Variants in ZNF708 observed in about 807,000 individuals in gnomAD.
ZNF708 encodes the protein ZNF15, ZNF15L1.
ZNF708 carries 44 observed loss-of-function variants against 47.0 expected under a neutral mutation model. That is an observed-to-expected ratio of 0.94 (90% CI 0.74 to 1.20). The LOEUF (loss-of-function observed/expected upper bound fraction) is 1.20, where lower values mean the gene tolerates loss of function less well. Among genes scored for constraint, ZNF708 ranks in the 50% most tolerant of loss-of-function variants. The probability of loss-of-function intolerance (pLI) is 0.00; values close to 1 mark genes in which losing one functional copy is unlikely to be tolerated. For synonymous variants in ZNF708, 184 were observed against 218.5 expected (o/e 0.84, Z 1.39); for missense variants, 557 against 656.0 (o/e 0.85, Z 1.65).
chr19:21,323,401 A>G (rs1973192678), intron 1 of ZNF708, among the ~76,000 whole-genome samples: 1 of 152,178 alleles, frequency 6.6e-6, no homozygotes, highest in Non-Finnish European at 1.5e-5. Flanking sequence ...ATGTAACTCC[A>G]AAGAACAGGC....
At chr19:21,295,017 T>C (rs182996765) in intron 3 of ZNF708, among the ~76,000 whole-genome samples, 70 of 152,328 alleles carry the variant, frequency 4.6e-4, no homozygotes, top group African/African-American at 1.6e-3. Context: ...CCAACACACC[T>C]CTTTCTGCTG....
chr19:21,317,878 A>G (rs1973047330), intron 1 of ZNF708, among the ~76,000 whole-genome samples: 1 of 152,236 alleles, frequency 6.6e-6, no homozygotes, highest in Admixed American at 6.5e-5. Context: ...ACTTGACACC[A>G]GGTGCCTGCT....
At chr19:21,327,464 G>A (rs1201943594) in intron 1 of ZNF708, among the ~76,000 whole-genome samples, 1 of 151,488 alleles carries the variant, frequency 6.6e-6, no homozygotes, top group Non-Finnish European at 1.5e-5. Flanking sequence ...CCTGGGAGGC[G>A]GAGGTTGCGG....
chr19:21,322,491 C>T (rs1020886266), intron 1 of ZNF708, among the ~76,000 whole-genome samples: 11 of 152,044 alleles, frequency 7.2e-5, no homozygotes, highest in South Asian at 4.1e-4. Context: ...GTAGTAGGGA[C>T]GGGGTTTTGC....
intron 3 of ZNF708, 54 bp downstream of exon 3, chr19:21,309,192 C>T (rs1599679017): frequency 1.4e-6 from 2 of 1,468,408 alleles, no homozygotes; most frequent in Non-Finnish European, 1.8e-6. Flanking sequence ...CTGGTTTTCT[C>T]TTTTACCTTT....
At chr19:21,302,295 C>CT (rs1435838082) in intron 3 of ZNF708, among the ~76,000 whole-genome samples, 1 of 151,992 alleles carries the variant, frequency 6.6e-6, no homozygotes, top group African/African-American at 2.4e-5. Flanking sequence ...AAATATAAAT[C>CT]TGTTAGTAGA....
chr19:21,301,099 C>A (rs1972650890), intron 3 of ZNF708, among the ~76,000 whole-genome samples: 2 of 152,062 alleles, frequency 1.3e-5, no homozygotes, highest in African/African-American at 4.8e-5. Flanking sequence ...TTATTGGACA[C>A]TATCAAGTAG....
At chr19:21,313,169 T>C (rs1351284785) in intron 1 of ZNF708, among the ~76,000 whole-genome samples, 2 of 149,412 alleles carry the variant, frequency 1.3e-5, no homozygotes, top group African/African-American at 4.9e-5. Flanking sequence ...GTGCCTGTAA[T>C]CCCAGCTACT....
Position 21,320,012 on chromosome 19 carries a change from C to T in ZNF708, c.3+9198G>A, listed in dbSNP as rs569443067. Among the ~76,000 whole-genome samples the T allele has an allele frequency of 2.2e-4, 34 of 152,178 alleles. No homozygotes were observed. The East Asian group carries it at 6.6e-3, about 30-fold the overall frequency. ...CCAACATGGTGAAACCCCATCTCTA[C>T]TAAAAATACAAAAATTAGCCAGGTG... On this transcript the variant is annotated intron_variant, in intron 1 of 3. Coordinates refer to ENST00000356929, the MANE Select transcript of ZNF708 (RefSeq NM_021269.3).
At chr19:21,295,541 T>C (rs1972511185) in intron 3 of ZNF708, among the ~76,000 whole-genome samples, 1 of 151,136 alleles carries the variant, frequency 6.6e-6, no homozygotes, top group Admixed American at 6.6e-5. Context: ...AGGTTGGGAG[T>C]TCAAGACCAG....
intron 1 of ZNF708, among the ~76,000 whole-genome samples, chr19:21,321,344 T>G (rs1204361801): frequency 6.6e-6 from 1 of 151,946 alleles, no homozygotes; most frequent in Admixed American, 6.6e-5. Context: ...TGCCACCACA[T>G]TGGGAGACCA....
chr19:21,315,800 A>G (rs1289534001), intron 1 of ZNF708, among the ~76,000 whole-genome samples: 1 of 152,190 alleles, frequency 6.6e-6, no homozygotes, highest in Non-Finnish European at 1.5e-5. Context: ...AGTTCAATTT[A>G]TAGCTACTTG....
Position 21,294,090 on chromosome 19 carries a change from G to A in ZNF708, c.876C>T (p.Ser292=), listed in dbSNP as rs772887083. 3.7e-6 allele frequency: 6 copies of A among 1,611,668 alleles called. No individual in the cohort carries two copies. The highest frequency in any genetic ancestry group is 1.7e-5 in the Admixed American group (1 of 59,808). The part of the protein sequence containing the change: ...CEECGKAFKQ[S]SNLTNHKKIH... ...TTTTCTTGTGATTAGTAAGGTTTGA[G>A]GACTGTTTAAAAGCTTTGCCACATT... Residue 292 remains serine (S), a synonymous_variant, in exon 4 of 4, where the codon TCC becomes TCT. Coordinates refer to ENST00000356929, the MANE Select transcript of ZNF708 (RefSeq NM_021269.3).
At chr19:21,307,070 T>TAAAATAC (rs1568349233) in intron 3 of ZNF708, 5 of 108,352 alleles carry the variant, frequency 4.6e-5, no homozygotes, top group African/African-American at 1.8e-4. Flanking sequence ...AAATAAAATA[T>TAAAATAC]AAAATAAAAT....
At chr19:21,328,271 C>G (rs1334254877) in intron 1 of ZNF708, 3 of 151,262 alleles carry the variant, frequency 2.0e-5, no homozygotes. Flanking sequence ...TATTTTCAAC[C>G]AGAAAACAAT....
chr19:21,297,994 T>C (rs891579312), intron 3 of ZNF708, among the ~76,000 whole-genome samples: 2 of 150,220 alleles, frequency 1.3e-5, no homozygotes, highest in Non-Finnish European at 3.0e-5. Context: ...TGTGTGTGTA[T>C]GTGTACAGAC....
intron 3 of ZNF708, chr19:21,307,087 TA>T (rs1972791339): frequency 2.9e-5 from 3 of 103,932 alleles, no homozygotes; most frequent in South Asian, 5.4e-4. Context: ...AAATAAAATA[TA>T]AAATACAAAA....
intron 3 of ZNF708, among the ~76,000 whole-genome samples, chr19:21,302,612 T>C (rs1972682716): frequency 6.6e-6 from 1 of 151,992 alleles, no homozygotes; most frequent in Non-Finnish European, 1.5e-5. Flanking sequence ...GGCAGGAGAA[T>C]TGCTTGAACC....
Position 21,293,286 on chromosome 19 carries a change from G to C in ZNF708, c.1680C>G (p.Tyr560Ter), listed in dbSNP as rs775139151. Residue 560 changes from tyrosine (Y) to a stop codon, truncating the protein, a stop_gained, in exon 4 of 4, where the codon TAC becomes TAG. Transcript: ENST00000356929. LOFTEE classifies it high-confidence loss of function. ...AGGATTTGACACATTATTTACATTT[G>C]TAGGGTTTCTCTTTGGTATGAATTC... Reference protein sequence around the residue: ...HKRIHTKEKPYKCK With the variant: ...HKRIHTKEKP The C allele has an allele frequency of 1.3e-4, 201 of 1,605,696 alleles. No homozygotes were observed. Among genetic ancestry groups the C allele is most frequent in the Non-Finnish European group, 1.7e-4 (199 of 1,176,944 alleles).
Sources: allele counts gnomAD v4.1 joint callset (sites outside exome capture counted in the v4.1 genomes callset), GRCh38; gene constraint gnomAD v4.1.1; transcripts MANE v1.5; gene names NCBI Gene and HGNC (gene_info 2026-07-23, HGNC 2026-07-21).